The following UPK1B variants were observed in gnomAD, a reference collection of about 807,000 sequenced individuals.
The protein encoded by UPK1B is uroplakin 1B.
A neutral mutation model predicts 34.2 loss-of-function variants in UPK1B; 28 were observed. That is an observed-to-expected ratio of 0.82 (90% CI 0.61 to 1.12). UPK1B has a LOEUF of 1.12. Among genes scored for constraint, UPK1B ranks in the 50% most tolerant of loss-of-function variants. The pLI, the probability that UPK1B is intolerant of heterozygous loss-of-function variation, is 0.00. For synonymous variants in UPK1B, 81 were observed against 110.4 expected (o/e 0.73, Z 1.67); for missense variants, 325 against 320.9 (o/e 1.01, Z -0.10).
At chr3:119,202,970 A>G (rs2078098872) in intron 7 of UPK1B, among the ~76,000 whole-genome samples, 1 of 152,156 alleles carries the variant, frequency 6.6e-6, no homozygotes, top group Non-Finnish European at 1.5e-5. Flanking sequence ...GGCAGGTAAT[A>G]AGTGATGCTT....
At chr3:119,199,186 G>C (rs1467588434) in intron 7 of UPK1B, 46 bp downstream of exon 7, 1 of 1,605,548 alleles carries the variant, frequency 6.2e-7, no homozygotes, top group Non-Finnish European at 8.5e-7. Flanking sequence ...ATGATCATAC[G>C]GAGAGACCTT....
intron 3 of UPK1B, among the ~76,000 whole-genome samples, chr3:119,189,026 G>C (rs1483624097): frequency 6.6e-6 from 1 of 152,164 alleles, no homozygotes; most frequent in Non-Finnish European, 1.5e-5. Context: ...AGGAGACACA[G>C]GTGTTCCTAA....
intron 2 of UPK1B, among the ~76,000 whole-genome samples, chr3:119,187,286 C>G (rs994801155): frequency 6.6e-6 from 1 of 152,124 alleles, no homozygotes; most frequent in African/African-American, 2.4e-5. Context: ...GTCCAGAGCT[C>G]TTGGCCCAGC....
chr3:119,198,714 T>G (rs2078077509), intron 6 of UPK1B, among the ~76,000 whole-genome samples: 1 of 152,110 alleles, frequency 6.6e-6, no homozygotes, highest in African/African-American at 2.4e-5. Context: ...CAACGAAGCC[T>G]TTGGGGAGGG....
At chr3:119,193,825 T>C (rs1255567158) in intron 5 of UPK1B, among the ~76,000 whole-genome samples, 1 of 152,206 alleles carries the variant, frequency 6.6e-6, no homozygotes. Context: ...TCAATCATAA[T>C]TAACATTTAT....
intron 6 of UPK1B, among the ~76,000 whole-genome samples, chr3:119,195,699 T>C (rs1054110359): frequency 2.0e-5 from 3 of 152,246 alleles, no homozygotes; most frequent in African/African-American, 4.8e-5. Flanking sequence ...CAAATCTTGA[T>C]TGGATTGTAA....
At chr3:119,185,482 C>G (rs1559901366) in intron 1 of UPK1B, among the ~76,000 whole-genome samples, 1 of 151,986 alleles carries the variant, frequency 6.6e-6, no homozygotes, top group Admixed American at 6.6e-5. Flanking sequence ...CCCACCCCCA[C>G]CTCACTCCCA....
intron 1 of UPK1B, among the ~76,000 whole-genome samples, chr3:119,177,394 AGAGTTAG>A (rs2077961904): frequency 6.6e-6 from 1 of 152,244 alleles, no homozygotes; most frequent in African/African-American, 2.4e-5. Flanking sequence ...GGCTGGGTTA[AGAGTTAG>A]GAAACCTGGA....
intron 5 of UPK1B, among the ~76,000 whole-genome samples, chr3:119,191,319 C>T (rs2078043224): frequency 6.6e-6 from 1 of 152,120 alleles, no homozygotes; most frequent in Non-Finnish European, 1.5e-5. Flanking sequence ...TTTTCTCTAC[C>T]CCACAGTGAA....
chr3:119,201,730 C>T (rs1286256827), intron 7 of UPK1B, among the ~76,000 whole-genome samples: 1 of 152,144 alleles, frequency 6.6e-6, no homozygotes. Context: ...TTTATGATCC[C>T]TCAACCCAAC....
intron 1 of UPK1B, among the ~76,000 whole-genome samples, chr3:119,176,706 G>A (rs572342322): frequency 2.0e-5 from 3 of 152,224 alleles, no homozygotes; most frequent in South Asian, 2.1e-4. Flanking sequence ...GCCTTCCACC[G>A]CTTTCCACTT....
intron 2 of UPK1B, 110 bp from the exon 3 acceptor site, chr3:119,187,665 T>G (rs2078025132): frequency 8.7e-7 from 1 of 1,151,104 alleles, no homozygotes; most frequent in African/African-American, 1.5e-5. Flanking sequence ...TTAGATTAGT[T>G]GCATAAAGCC....
At chr3:119,199,703 C>G (rs2078083073) in intron 7 of UPK1B, among the ~76,000 whole-genome samples, 1 of 152,180 alleles carries the variant, frequency 6.6e-6, no homozygotes. Context: ...ACCTCTGAGA[C>G]TTCGATTTAG....
chr3:119,193,098 T>C (rs931011504), intron 5 of UPK1B, among the ~76,000 whole-genome samples: 14 of 152,220 alleles, frequency 9.2e-5, no homozygotes, highest in Non-Finnish European at 1.9e-4. Context: ...TGACATCTTA[T>C]CAGCATTTGT....
chr3:119,179,087 T>G (rs6438501), intron 1 of UPK1B, among the ~76,000 whole-genome samples: 2 of 151,592 alleles, frequency 1.3e-5, no homozygotes, highest in Admixed American at 1.3e-4. Context: ...GCCTATAATC[T>G]CCACACTTTG....
In UPK1B at chr3:119,204,906, G is replaced by A. The variant is rs1280859007; in HGVS notation, c.*939G>A. The A allele has an allele frequency of 6.6e-6, 1 of 152,236 alleles. No individual in the cohort carries two copies. The highest frequency in any genetic ancestry group is 1.5e-5 in the Non-Finnish European group (1 of 68,092). 9.4% of individuals were successfully genotyped at this position (152,236 alleles called of 1,614,324 possible). ...AACAAAAAAGCGTGGGGACTTCTGG[G>A]GACAGACAAGGTGCCTGTTATATAT... On this transcript the variant is annotated 3_prime_UTR_variant, in exon 8 of 8. Transcript: ENST00000264234.
At chr3:119,174,963 A>T (rs560030150) in intron 1 of UPK1B, among the ~76,000 whole-genome samples, 1 of 146,872 alleles carries the variant, frequency 6.8e-6, no homozygotes, top group Non-Finnish European at 1.5e-5. Context: ...GACATCATTT[A>T]ATCAAGGGGA....
At chr3:119,186,832 G>T (rs2078021378) in intron 2 of UPK1B, 22 bp downstream of exon 2, 1 of 1,609,918 alleles carries the variant, frequency 6.2e-7, no homozygotes, top group Non-Finnish European at 8.5e-7. Flanking sequence ...TTATTTTCCA[G>T]GAAATTCTGC....
At chr3:119,198,587 A>C (rs2078076819) in intron 6 of UPK1B, among the ~76,000 whole-genome samples, 1 of 152,246 alleles carries the variant, frequency 6.6e-6, no homozygotes, top group African/African-American at 2.4e-5. Context: ...AGCATAATGC[A>C]GGAGTTCCTT....
Sources: allele counts gnomAD v4.1 joint callset (sites outside exome capture counted in the v4.1 genomes callset), GRCh38; gene constraint gnomAD v4.1.1; transcripts MANE v1.5; gene names NCBI Gene and HGNC (gene_info 2026-07-23, HGNC 2026-07-21).